DCC: variants seen among roughly 807,000 people sequenced by gnomAD.
DCC encodes the protein DCC netrin 1 receptor, also known as netrin receptor DCC.
A neutral mutation model predicts 172.5 loss-of-function variants in DCC; 58 were observed. The ratio of observed to expected loss-of-function variants is 0.34; its 90% confidence interval spans 0.27 to 0.42. The LOEUF (loss-of-function observed/expected upper bound fraction) is 0.42. Among genes scored for constraint, DCC ranks in the 10% least tolerant of loss-of-function variants. The pLI is 1.00. For synonymous variants in DCC, 709 were observed against 644.5 expected (o/e 1.10, Z -1.52); for missense variants, 1,740 against 1,791.0 (o/e 0.97, Z 0.51).
chr18:53,206,358 TATATGTATTGTA>T, intron 10 of DCC, among the ~76,000 whole-genome samples: 1 of 52,100 alleles, frequency 1.9e-5, no homozygotes, highest in South Asian at 4.1e-4. Flanking sequence ...TATATATACA[TATATGTATTGTA>T]ACACATATAT....
chr18:52,627,010 C>G (rs973058497), intron 1 of DCC, among the ~76,000 whole-genome samples: 1 of 152,156 alleles, frequency 6.6e-6, no homozygotes, highest in Admixed American at 6.5e-5. Flanking sequence ...TCACACTACC[C>G]TCTTCTCTGT....
intron 1 of DCC, among the ~76,000 whole-genome samples, chr18:52,368,817 A>T (rs1984989839): frequency 6.6e-6 from 1 of 152,214 alleles, no homozygotes; most frequent in South Asian, 2.1e-4. Context: ...CCCAGACATT[A>T]TACCTTGCAA....
intron 5 of DCC, among the ~76,000 whole-genome samples, chr18:53,026,137 T>C (rs11082963): frequency 0.11 from 17,465 of 152,032 alleles, 1,386 homozygotes; most frequent in East Asian, 0.31. Context: ...CATAAGTCTA[T>C]GGAGAATTTT....
intron 1 of DCC, among the ~76,000 whole-genome samples, chr18:52,635,845 G>A (rs1469652998): frequency 1.3e-5 from 2 of 152,108 alleles, no homozygotes; most frequent in South Asian, 2.1e-4. Context: ...CACCGTGAAC[G>A]GGAGCCAGGA....
At chr18:52,631,680 T>C (rs1313522094) in intron 1 of DCC, among the ~76,000 whole-genome samples, 3 of 152,206 alleles carry the variant, frequency 2.0e-5, no homozygotes, top group Non-Finnish European at 2.9e-5. Flanking sequence ...TTTGTCGCAT[T>C]GGTCTGGAAA....
chr18:52,841,317 G>A (rs1465814145), intron 2 of DCC, among the ~76,000 whole-genome samples: 4 of 150,880 alleles, frequency 2.7e-5, no homozygotes, highest in Admixed American at 2.6e-4. Flanking sequence ...ACTAATGCAT[G>A]TAGAGTGCAT....
chr18:52,848,145 G>A (rs2038924053), intron 2 of DCC, among the ~76,000 whole-genome samples: 1 of 149,008 alleles, frequency 6.7e-6, no homozygotes, highest in African/African-American at 2.5e-5. Flanking sequence ...GAGTGCAGTG[G>A]TGCAATCTCA....
intron 1 of DCC, among the ~76,000 whole-genome samples, chr18:52,351,086 A>G (rs1438508002): frequency 6.6e-6 from 1 of 152,196 alleles, no homozygotes; most frequent in Non-Finnish European, 1.5e-5. Flanking sequence ...AGCTTCCATG[A>G]GAAAGTGTGA....
intron 1 of DCC, among the ~76,000 whole-genome samples, chr18:52,698,619 G>C (rs576807869): frequency 6.6e-6 from 1 of 151,668 alleles, no homozygotes; most frequent in African/African-American, 2.4e-5. Flanking sequence ...TTGAGATGGA[G>C]TCTCACTCTG....
At chr18:53,226,476 C>T (rs761641429) in intron 12 of DCC, among the ~76,000 whole-genome samples, 1 of 152,118 alleles carries the variant, frequency 6.6e-6, no homozygotes, top group South Asian at 2.1e-4. Context: ...ACTTAAAAAG[C>T]ACATCAGCGG....
chr18:52,785,347 A>C (rs2037635797), intron 2 of DCC, among the ~76,000 whole-genome samples: 1 of 151,990 alleles, frequency 6.6e-6, no homozygotes, highest in Admixed American at 6.6e-5. Context: ...CTTTGTTAGA[A>C]AATGATTTGG....
intron 6 of DCC, among the ~76,000 whole-genome samples, chr18:53,065,209 C>A (rs998434831): frequency 6.6e-6 from 1 of 152,128 alleles, no homozygotes; most frequent in Non-Finnish European, 1.5e-5. Context: ...TTACAAGACA[C>A]TAAAAACAAT....
chr18:52,616,631 A>G (rs1489213875), intron 1 of DCC, among the ~76,000 whole-genome samples: 1 of 152,216 alleles, frequency 6.6e-6, no homozygotes, highest in Non-Finnish European at 1.5e-5. Flanking sequence ...TTAAAACTAT[A>G]TACTAAGAGG....
chr18:52,634,661 C>A (rs1185357976), intron 1 of DCC, among the ~76,000 whole-genome samples: 2 of 152,148 alleles, frequency 1.3e-5, no homozygotes, highest in Non-Finnish European at 2.9e-5. Context: ...ACAGATTTTA[C>A]TGATTGGTTT....
intron 1 of DCC, among the ~76,000 whole-genome samples, chr18:52,583,827 G>A (rs2033610944): frequency 6.6e-6 from 1 of 152,074 alleles, no homozygotes; most frequent in Admixed American, 6.5e-5. Flanking sequence ...ATTTGACAAG[G>A]GCCTCTAAAT....
intron 12 of DCC, among the ~76,000 whole-genome samples, chr18:53,222,764 T>C (rs2144595346): frequency 6.6e-6 from 1 of 152,274 alleles, no homozygotes; most frequent in African/African-American, 2.4e-5. Context: ...ATTGGAGATA[T>C]TAAAGGCTAT....
intron 1 of DCC, among the ~76,000 whole-genome samples, chr18:52,343,545 G>A (rs1450193489): frequency 6.6e-6 from 1 of 152,176 alleles, no homozygotes; most frequent in East Asian, 1.9e-4. Flanking sequence ...GAGGAGGATG[G>A]TGACTTTTTA....
chr18:53,493,629 T>A (rs1299423401), intron 26 of DCC, among the ~76,000 whole-genome samples: 2 of 152,206 alleles, frequency 1.3e-5, no homozygotes, highest in Non-Finnish European at 2.9e-5. Flanking sequence ...TTATCATTGT[T>A]GATTGTGCCT....
At chr18:53,444,859 A>G (rs1025870527) in intron 22 of DCC, among the ~76,000 whole-genome samples, 1 of 152,148 alleles carries the variant, frequency 6.6e-6, no homozygotes, top group Admixed American at 6.5e-5. Context: ...TTTGTTGAAC[A>G]TCTACCTTTT....
Sources: gnomAD v4.1 joint callset for allele counts (sites outside exome capture counted in the v4.1 genomes callset) on GRCh38, gnomAD v4.1.1 for gene constraint, MANE v1.5 for transcripts, NCBI Gene and HGNC (gene_info 2026-07-23, HGNC 2026-07-21) for gene names.